NAV2: variants seen among roughly 807,000 people sequenced by gnomAD.
NAV2 encodes the protein helicase, APC down-regulated 1.
A neutral mutation model predicts 223.2 loss-of-function variants in NAV2; 54 were observed. That is an observed-to-expected ratio of 0.24 (90% confidence interval 0.19 to 0.30). The LOEUF (loss-of-function observed/expected upper bound fraction) is 0.30. NAV2 is among the 10% of genes least tolerant of loss of function. The pLI is 1.00. For missense variants in NAV2, 2,806 were observed against 3,147.5 expected (o/e 0.89, Z 2.60); for synonymous variants, 1,279 against 1,239.3 (o/e 1.03, Z -0.67).
chr11:19,769,857 C>T (rs1266861933), intron 1 of NAV2, among the ~76,000 whole-genome samples: 1 of 152,136 alleles, frequency 6.6e-6, no homozygotes, highest in Non-Finnish European at 1.5e-5. Flanking sequence ...TAGGGAGGCA[C>T]TCAGTTCCTC....
At chr11:19,714,315 C>G in intron 1 of NAV2, 1 of 521,336 alleles carries the variant, frequency 1.9e-6, no homozygotes, top group South Asian at 1.5e-5. Context: ...AAGCCAGTAT[C>G]CGCAGCAGCA....
At chr11:19,423,214 G>A (rs1342484090) in intron 1 of NAV2, among the ~76,000 whole-genome samples, 2 of 152,190 alleles carry the variant, frequency 1.3e-5, no homozygotes, top group African/African-American at 4.8e-5. Flanking sequence ...TTGAGCTTTT[G>A]TATCTTTAAC....
At chr11:19,985,588 T>G (rs1025651558) in intron 11 of NAV2, among the ~76,000 whole-genome samples, 1 of 151,956 alleles carries the variant, frequency 6.6e-6, no homozygotes, top group African/African-American at 2.4e-5. Flanking sequence ...TTTGTTTGTT[T>G]GTTTTTGAGA....
chr11:19,890,722 G>A (rs980898752), intron 5 of NAV2, among the ~76,000 whole-genome samples: 1 of 152,204 alleles, frequency 6.6e-6, no homozygotes, highest in African/African-American at 2.4e-5. Context: ...AGGACTTGCA[G>A]AACATTGTTT....
intron 10 of NAV2, among the ~76,000 whole-genome samples, chr11:19,952,740 T>C (rs2585776): frequency 0.88 from 134,181 of 152,224 alleles, 59,384 homozygotes; most frequent in East Asian, 0.98. Context: ...TTTTCTGTAC[T>C]GGTGTGTGCA....
At chr11:19,776,577 G>GGTGTGTGTGTGTGTGTGTGTGT (rs71050684) in intron 1 of NAV2, among the ~76,000 whole-genome samples, 2 of 116,180 alleles carry the variant, frequency 1.7e-5, no homozygotes, top group African/African-American at 3.8e-5. Context: ...CTGGGGCAGG[G>GGTGTGTGTGTGTGTGTGTGTGT]GTGTGTGTGT....
intron 36 of NAV2, among the ~76,000 whole-genome samples, chr11:20,110,889 C>T (rs528665713): frequency 6.6e-6 from 1 of 152,212 alleles, no homozygotes; most frequent in African/African-American, 2.4e-5. Context: ...GGTGGAGTCC[C>T]TAGAATGGGT....
Position 20,048,907 on chromosome 11 carries a change from A to T in NAV2, c.4082A>T (p.Asp1361Val). 1 of 1,614,058 alleles carries T rather than the reference A, an allele frequency of 6.2e-7. No homozygotes were observed. The highest frequency in any genetic ancestry group is 8.5e-7 in the Non-Finnish European group (1 of 1,180,006). ...AGTCCTCTCTACAGCAAGAATGTGGACCTCAACCAGTCTCCGCTAGCCTCC... is the reference window on the plus strand; with the variant it reads ...AGTCCTCTCTACAGCAAGAATGTGGTCCTCAACCAGTCTCCGCTAGCCTCC... ...SSSPLYSKNV[D>V]LNQSPLASSP... The change falls in exon 15 of 38, where the codon GAC becomes GTC. Residue 1361 changes from aspartate to valine, a missense_variant. Around this residue, in one of 4 missense-constraint regions of NAV2, gnomAD observed 742 missense variants for 777.9 expected, o/e 0.95. Transcript: ENST00000349880.
At chr11:20,109,297 G>C (rs562752837) in intron 36 of NAV2, among the ~76,000 whole-genome samples, 28 of 151,204 alleles carry the variant, frequency 1.9e-4, no homozygotes, top group Non-Finnish European at 3.3e-4. Flanking sequence ...TGTGAAAGCA[G>C]GAAAAAAGCA....
chr11:19,834,555 C>CTTTTTTT, intron 2 of NAV2, among the ~76,000 whole-genome samples: 1 of 147,570 alleles, frequency 6.8e-6, no homozygotes. Flanking sequence ...GAAGGGGTAC[C>CTTTTTTT]TTTTTTTTTT....
intron 1 of NAV2, among the ~76,000 whole-genome samples, chr11:19,365,384 C>T (rs1404419144): frequency 1.3e-5 from 2 of 152,236 alleles, no homozygotes; most frequent in African/African-American, 2.4e-5. Context: ...TGTGGCTTAA[C>T]AGCATGCACT....
chr11:19,592,733 G>A (rs1445421051), intron 1 of NAV2, among the ~76,000 whole-genome samples: 1 of 152,098 alleles, frequency 6.6e-6, no homozygotes, highest in Admixed American at 6.6e-5. Context: ...AAGATGACTT[G>A]TATGAAGTAA....
chr11:19,876,961 AAAAATATT>A (rs2062875245), intron 4 of NAV2, among the ~76,000 whole-genome samples: 1 of 123,954 alleles, frequency 8.1e-6, no homozygotes, highest in Non-Finnish European at 1.9e-5. Context: ...TTTATCAATA[AAAAATATT>A]TATTTATTTA....
intron 5 of NAV2, 101 bp from the exon 6 acceptor site, chr11:19,892,333 G>T: frequency 8.7e-7 from 1 of 1,148,980 alleles, no homozygotes; most frequent in Non-Finnish European, 1.2e-6. Context: ...ACAATGTCTT[G>T]GATAGTTTCT....
intron 1 of NAV2, among the ~76,000 whole-genome samples, chr11:19,784,661 A>T (rs1199714664): frequency 6.6e-6 from 1 of 152,094 alleles, no homozygotes; most frequent in Admixed American, 6.5e-5. Context: ...GCACTTGATC[A>T]CTCCAAGTAT....
At chr11:19,387,827 A>G (rs1849100910) in intron 1 of NAV2, among the ~76,000 whole-genome samples, 1 of 152,020 alleles carries the variant, frequency 6.6e-6, no homozygotes, top group Non-Finnish European at 1.5e-5. Context: ...TAGCATTTAC[A>G]GAAAAAAAAG....
At position 19,948,673 on chromosome 11, in the gene NAV2, G is replaced by C. The variant is rs769259721; in HGVS notation, c.2256-18G>C. ...TACTAGGTACCTTTGAGTCTAATCA[G>C]GTTGGTTTTGTTTCTAGCACATTGG... On this transcript the variant is annotated intron_variant, in intron 9 of 37. Transcript: ENST00000349880. The C allele has an allele frequency of 6.5e-7, 1 of 1,550,384 alleles. No homozygotes were observed. The highest frequency in any genetic ancestry group is 1.2e-5 in the South Asian group (1 of 82,052).
intron 5 of NAV2, among the ~76,000 whole-genome samples, chr11:19,887,326 C>T (rs2041094573): frequency 6.6e-6 from 1 of 152,022 alleles, no homozygotes. Context: ...CTCTTATTGC[C>T]TCCCGGCCTC....
chr11:20,090,272 C>T (rs1165966526), intron 26 of NAV2, among the ~76,000 whole-genome samples: 1 of 152,076 alleles, frequency 6.6e-6, no homozygotes, highest in Non-Finnish European at 1.5e-5. Context: ...AACTCAAGGG[C>T]GTGTGGTGTC....
Sources: allele counts gnomAD v4.1 joint callset (sites outside exome capture counted in the v4.1 genomes callset), GRCh38; gene constraint gnomAD v4.1.1; regional missense constraint gnomAD v4.1.1; transcripts MANE v1.5; gene names NCBI Gene and HGNC (gene_info 2026-07-23, HGNC 2026-07-21).